Variants in GUCY1A1 observed in about 807,000 individuals in gnomAD.
GUCY1A1 encodes the protein guanylate cyclase 1 soluble subunit alpha 1, also known as guanylate cyclase soluble subunit alpha-1.
GUCY1A1 carries 48 observed loss-of-function variants against 64.5 expected under a neutral mutation model. The observed-to-expected ratio is 0.74, with a 90% CI of 0.59 to 0.95. The LOEUF (loss-of-function observed/expected upper bound fraction) is 0.95. Among genes scored for constraint, GUCY1A1 ranks in the 40% least tolerant of loss-of-function variants. The pLI is 0.00. For synonymous variants in GUCY1A1, 308 were observed against 303.4 expected, an observed-to-expected ratio of 1.02 and a Z score of -0.16; for missense variants, 804 against 825.3, an observed-to-expected ratio of 0.97 and a Z score of 0.32.
At chr4:155,695,801 C>A (rs377131175) in intron 2 of GUCY1A1, among the ~76,000 whole-genome samples, 1 of 152,176 alleles carries the variant, frequency 6.6e-6, no homozygotes. Context: ...AATATGGGTT[C>A]TTTTCCACTC....
chr4:155,702,283 C>A (rs1262929404), intron 3 of GUCY1A1, among the ~76,000 whole-genome samples: 1 of 152,104 alleles, frequency 6.6e-6, no homozygotes, highest in African/African-American at 2.4e-5. Flanking sequence ...TTTGCAGGAA[C>A]AAATAATTCA....
chr4:155,711,929 AT>A (rs1328161285), intron 6 of GUCY1A1, among the ~76,000 whole-genome samples: 1 of 152,234 alleles, frequency 6.6e-6, no homozygotes, highest in Non-Finnish European at 1.5e-5. Flanking sequence ...TGTTTAAAAA[AT>A]GAGTAATATT....
At chr4:155,708,340 A>G (rs1007060195) in intron 5 of GUCY1A1, 46 bp downstream of exon 5, 1 of 950,062 alleles carries the variant, frequency 1.1e-6, no homozygotes, top group Non-Finnish European at 1.7e-6. Context: ...ATATACCTGT[A>G]GAACTCACAT....
intron 3 of GUCY1A1, among the ~76,000 whole-genome samples, chr4:155,701,583 A>C (rs1731087670): frequency 6.6e-6 from 1 of 152,136 alleles, no homozygotes; most frequent in African/African-American, 2.4e-5. Flanking sequence ...ATGGAAGAGG[A>C]AGAAGAAAGC....
At chr4:155,714,919 C>A in intron 7 of GUCY1A1, among the ~76,000 whole-genome samples, 1 of 152,160 alleles carries the variant, frequency 6.6e-6, no homozygotes, top group Non-Finnish European at 1.5e-5. Flanking sequence ...TTGAGACGGT[C>A]TCCTGTCTTA....
chr4:155,713,029 C>T, intron 6 of GUCY1A1, 69 bp from the exon 7 acceptor site: 1 of 1,334,262 alleles, frequency 7.5e-7, no homozygotes, highest in Non-Finnish European at 1.0e-6. Context: ...TATCTACTTC[C>T]CCTTCTTTTG....
chr4:155,710,858 G>A lies in GUCY1A1; in HGVS notation c.693G>A (p.Val231=), dbSNP rs1397372380. ...CTCACGTATTATATGAAACGGAAGT[G>A]GAAGTGTCGTTAATGCCTCCCTGCT... The part of the protein sequence containing the change: ...AAAHVLYETE[V]EVSLMPPCFH... Residue 231 remains valine (V), a synonymous_variant, in exon 6 of 10, where the codon GTG becomes GTA. Transcript: ENST00000506455. 1.2e-6 allele frequency: 2 copies of A among 1,613,948 alleles called. No individual in the cohort carries two copies. Among genetic ancestry groups the A allele is most frequent in the East Asian group, 2.2e-5 (1 of 44,882 alleles).
chr4:155,723,050 G>A (rs1042108724), intron 9 of GUCY1A1, among the ~76,000 whole-genome samples: 1 of 152,072 alleles, frequency 6.6e-6, no homozygotes, highest in Non-Finnish European at 1.5e-5. Flanking sequence ...CTATCCACAA[G>A]ATTGATTTTT....
intron 2 of GUCY1A1, among the ~76,000 whole-genome samples, chr4:155,685,522 C>T (rs1051175674): frequency 6.6e-6 from 1 of 152,076 alleles, no homozygotes; most frequent in Non-Finnish European, 1.5e-5. Flanking sequence ...TTGTCTGACC[C>T]TCTCAGCCCT....
At chr4:155,705,225 G>A (rs937368488) in intron 4 of GUCY1A1, among the ~76,000 whole-genome samples, 7 of 152,200 alleles carry the variant, frequency 4.6e-5, no homozygotes, top group African/African-American at 1.7e-4. Context: ...GATTTATTTA[G>A]TGAATCAAAT....
At chr4:155,671,871 A>C (rs971684192) in intron 2 of GUCY1A1, among the ~76,000 whole-genome samples, 2 of 152,140 alleles carry the variant, frequency 1.3e-5, no homozygotes, top group Non-Finnish European at 2.9e-5. Flanking sequence ...CATTGTTACC[A>C]GGGCTTTTCT....
intron 8 of GUCY1A1, among the ~76,000 whole-genome samples, chr4:155,720,361 A>G (rs543891488): frequency 1.3e-5 from 2 of 152,066 alleles, no homozygotes; most frequent in African/African-American, 2.4e-5. Flanking sequence ...CTATCTATCT[A>G]TCTATCTATC....
chr4:155,732,050 C>A lies in GUCY1A1; in HGVS notation c.*1819C>A, dbSNP rs1380051816. 6.6e-6 allele frequency: 1 copy of A among 151,630 alleles called. No individual in the cohort carries two copies. The highest frequency in any genetic ancestry group is 6.6e-5 in the Admixed American group (1 of 15,182). The allele number at this position is 151,630 out of a possible 1,614,324, so 9.4% of individuals were successfully genotyped here. The stretch of plus-strand genomic sequence containing the variant: ...ATACATTTTTCTTTCTGGAACCGAA[C>A]TCTTATTATGGGGAAATAATAGAAA... On this transcript the variant is annotated 3_prime_UTR_variant, in exon 10 of 10. Transcript: ENST00000506455.
intron 4 of GUCY1A1, among the ~76,000 whole-genome samples, chr4:155,706,691 CAT>C (rs1028285852): frequency 2.4e-4 from 37 of 152,104 alleles, no homozygotes; most frequent in African/African-American, 8.2e-4. Flanking sequence ...ATAAGGCACA[CAT>C]GTGTTGGCTG....
At chr4:155,683,415 T>C (rs1283465748) in intron 2 of GUCY1A1, among the ~76,000 whole-genome samples, 1 of 152,228 alleles carries the variant, frequency 6.6e-6, no homozygotes, top group Non-Finnish European at 1.5e-5. Flanking sequence ...GTCACTTCCG[T>C]GTTTATACCA....
intron 7 of GUCY1A1, among the ~76,000 whole-genome samples, chr4:155,716,745 G>A (rs1456463143): frequency 6.6e-6 from 1 of 152,000 alleles, no homozygotes; most frequent in Non-Finnish European, 1.5e-5. Flanking sequence ...GTGACTTGAG[G>A]CAAAATACTA....
chr4:155,735,623 C>T lies in GUCY1A1; in HGVS notation c.*5392C>T, dbSNP rs1412331948. 6.6e-6 allele frequency: 1 copy of T among 151,944 alleles called. No homozygotes were observed. Among genetic ancestry groups the T allele is most frequent in the Non-Finnish European group, 1.5e-5 (1 of 67,942 alleles). 9.4% of individuals were successfully genotyped at this position (151,944 alleles called of 1,614,324 possible). A position where few individuals can be genotyped will look rare whatever the true frequency, so the allele number is the denominator to read the frequency against. On this transcript the variant is annotated 3_prime_UTR_variant, in exon 10 of 10. Transcript: ENST00000506455. ...AGGAAAATTACTTGGCTGAAAATGA[C>T]TTTGCATAATGCCCAAATCTTGAAG...
chr4:155,717,269 T>C lies in GUCY1A1; in HGVS notation c.1683T>C (p.Asp561=), dbSNP rs1234141921. ...CCCTGAAGATGATGGAGCTCTCTGATGAAGTTATGTCTCCCCATGGAGAAC... is the reference window on the plus strand; with the variant it reads ...CCCTGAAGATGATGGAGCTCTCTGACGAAGTTATGTCTCCCCATGGAGAAC... ...LMALKMMELS[D]EVMSPHGEPI... Residue 561 remains aspartate, a synonymous_variant, in exon 8 of 10, where the codon GAT becomes GAC. Transcript: ENST00000506455. 4 of 1,595,964 alleles carry C rather than the reference T, an allele frequency of 2.5e-6. No homozygotes were observed. Among genetic ancestry groups the C allele is most frequent in the Non-Finnish European group, 3.4e-6 (4 of 1,169,350 alleles).
chr4:155,713,086 T>G lies in GUCY1A1; in HGVS notation c.1087-12T>G. The G allele has an allele frequency of 6.3e-7, 1 of 1,588,908 alleles. No individual in the cohort carries two copies. The highest frequency in any genetic ancestry group is 1.1e-5 in the South Asian group (1 of 87,226). ...TTGAATAAACCACAATTGGTTATCC[T>G]TTCCTTCATAGGTTATGGACCTCAA... On this transcript the variant is annotated splice_polypyrimidine_tract_variant and intron_variant, in intron 6 of 9. Coordinates refer to ENST00000506455, the MANE Select transcript of GUCY1A1 (RefSeq NM_001130682.3).
Sources: gnomAD v4.1 joint callset for allele counts (sites outside exome capture counted in the v4.1 genomes callset) on GRCh38, gnomAD v4.1.1 for gene constraint, MANE v1.5 for transcripts, NCBI Gene and HGNC (gene_info 2026-07-23, HGNC 2026-07-21) for gene names.